LEMD1: variants seen among roughly 807,000 people sequenced by gnomAD.
LEMD1 encodes LEM domain-containing protein 1.
A neutral mutation model predicts 17.4 loss-of-function variants in LEMD1; 18 were observed. The ratio of observed to expected loss-of-function variants is 1.04; its 90% CI spans 0.72 to 1.54. The LOEUF is 1.54. LEMD1 is among the 40% of genes most tolerant of loss of function. The pLI, the probability that LEMD1 is intolerant of heterozygous loss-of-function variation, is 0.00. For synonymous variants in LEMD1, 88 were observed against 77.8 expected, an observed-to-expected ratio of 1.13 and a Z score of -0.69; for missense variants, 195 against 210.4, an observed-to-expected ratio of 0.93 and a Z score of 0.45.
chr1:205,405,753 G>C lies in LEMD1; in HGVS notation c.270+10479C>G, dbSNP rs772161409. Among the ~76,000 whole-genome samples the C allele has an allele frequency of 2.3e-4, 35 of 151,284 alleles. 1 individual carries two copies. Among genetic ancestry groups the C allele is most frequent in the Admixed American group, 9.2e-4 (14 of 15,176 alleles). The stretch of plus-strand genomic sequence containing the variant: ...TGTTCCGTTGTTGGTGAGGAACTGC[G>C]TTCCTTTGGAGGAGGAGAGGCGCTC... On this transcript the variant is annotated intron_variant, in intron 4 of 5. Transcript: ENST00000367153.
At chr1:205,387,728 G>A (rs907232655) in intron 4 of LEMD1, among the ~76,000 whole-genome samples, 2 of 152,102 alleles carry the variant, frequency 1.3e-5, no homozygotes, top group African/African-American at 4.8e-5. Context: ...CACCCTCTTT[G>A]CTATACCTCG....
At position 205,381,479 on chromosome 1, in the gene LEMD1, G is replaced by C; in HGVS notation, c.*179C>G. The C allele has an allele frequency of 1.6e-6, 1 of 631,856 alleles. No individual in the cohort carries two copies. Among genetic ancestry groups the C allele is most frequent in the South Asian group, 1.9e-5 (1 of 53,390 alleles). 39.1% of individuals were successfully genotyped at this position (631,856 alleles called of 1,614,324 possible). ...ATCATGCTCTTAACACAGGTGCCTG[G>C]TTAGGCAGGTTCCTTCCACCTGGCT... On this transcript the variant is annotated 3_prime_UTR_variant, in exon 6 of 6. Coordinates refer to ENST00000367153, the MANE Select transcript of LEMD1 (RefSeq NM_001199050.2).
At chr1:205,429,407 C>T (rs1431760973) in intron 1 of LEMD1, among the ~76,000 whole-genome samples, 1 of 152,140 alleles carries the variant, frequency 6.6e-6, no homozygotes, top group African/African-American at 2.4e-5. Flanking sequence ...TGTGGCTTGG[C>T]TCATTTCAAT....
chr1:205,381,646 C>T lies in LEMD1; in HGVS notation c.*12G>A, dbSNP rs1429916511. ...AGGCCTCGCTTGGAGCATTGCTTTG[C>T]TCCTAAATTACTTAACCAAACAGCG... On this transcript the variant is annotated 3_prime_UTR_variant, in exon 6 of 6. Coordinates refer to ENST00000367153, the MANE Select transcript of LEMD1 (RefSeq NM_001199050.2). The T allele has an allele frequency of 1.2e-6, 2 of 1,613,732 alleles. No homozygotes were observed. Among genetic ancestry groups the T allele is most frequent in the East Asian group, 2.2e-5 (1 of 44,900 alleles).
chr1:205,431,691 G>A (rs1422017021), intron 1 of LEMD1, among the ~76,000 whole-genome samples: 1 of 152,104 alleles, frequency 6.6e-6, no homozygotes, highest in Non-Finnish European at 1.5e-5. Flanking sequence ...GCAAAGCCAG[G>A]AGAACAACAC....
intron 4 of LEMD1, among the ~76,000 whole-genome samples, chr1:205,395,606 AAAG>A (rs1477626361): frequency 6.6e-6 from 1 of 151,908 alleles, no homozygotes; most frequent in African/African-American, 2.4e-5. Flanking sequence ...AAAAAAAAAA[AAAG>A]AAAAAAAAGA....
At chr1:205,391,019 T>C (rs1466710816) in intron 4 of LEMD1, among the ~76,000 whole-genome samples, 7 of 143,746 alleles carry the variant, frequency 4.9e-5, no homozygotes, top group Non-Finnish European at 1.5e-5. Flanking sequence ...ACAATATACC[T>C]GTGTAATACC....
intron 4 of LEMD1, among the ~76,000 whole-genome samples, chr1:205,402,842 A>C (rs1664914091): frequency 6.6e-6 from 1 of 151,802 alleles, no homozygotes; most frequent in South Asian, 2.1e-4. Context: ...TGGGTTTGTC[A>C]TAGATAGCTC....
At chr1:205,429,416 A>G (rs1214567526) in intron 1 of LEMD1, among the ~76,000 whole-genome samples, 1 of 152,182 alleles carries the variant, frequency 6.6e-6, no homozygotes, top group South Asian at 2.1e-4. Context: ...GCTCATTTCA[A>G]TGCCGCATTG....
At chr1:205,409,712 T>C (rs1186274949) in intron 4 of LEMD1, among the ~76,000 whole-genome samples, 1 of 151,892 alleles carries the variant, frequency 6.6e-6, no homozygotes, top group Non-Finnish European at 1.5e-5. Context: ...GCAATCCTCC[T>C]GCCTCAGCCT....
At chr1:205,414,864 G>A (rs1280682199) in intron 4 of LEMD1, among the ~76,000 whole-genome samples, 1 of 152,078 alleles carries the variant, frequency 6.6e-6, no homozygotes, top group East Asian at 1.9e-4. Flanking sequence ...CTCCAGCCTG[G>A]GTAACAGAAT....
upstream of LEMD1, among the ~76,000 whole-genome samples, chr1:205,425,117 T>C (rs188813847): frequency 6.6e-6 from 1 of 152,338 alleles, no homozygotes; most frequent in East Asian, 1.9e-4. Context: ...TGAGCCTGCT[T>C]ACATAAGGAA....
At chr1:205,446,780 C>T (rs1175021446) in intron 1 of LEMD1, among the ~76,000 whole-genome samples, 3 of 152,162 alleles carry the variant, frequency 2.0e-5, no homozygotes, top group African/African-American at 7.2e-5. Context: ...TGAGAGAACC[C>T]AGAGGGCAAG....
intron 4 of LEMD1, among the ~76,000 whole-genome samples, chr1:205,402,189 C>CT (rs1264826740): frequency 6.6e-6 from 1 of 152,088 alleles, no homozygotes; most frequent in Non-Finnish European, 1.5e-5. Flanking sequence ...GATGCAGGCT[C>CT]TTTTTTGGTT....
chr1:205,444,220 G>A (rs2102469736), intron 1 of LEMD1, among the ~76,000 whole-genome samples: 1 of 152,192 alleles, frequency 6.6e-6, no homozygotes, highest in African/African-American at 2.4e-5. Flanking sequence ...ATAGGATGGA[G>A]AGGCAGGGTG....
At chr1:205,428,281 C>T (rs1375540010) in intron 1 of LEMD1, among the ~76,000 whole-genome samples, 1 of 152,120 alleles carries the variant, frequency 6.6e-6, no homozygotes, top group African/African-American at 2.4e-5. Flanking sequence ...AAGCTTGGAG[C>T]AGGGGAGTGA....
intron 4 of LEMD1, among the ~76,000 whole-genome samples, chr1:205,411,019 GGAAGGAAGGAAGGGAAA>G (rs1320819011): frequency 1.4e-5 from 2 of 145,910 alleles, no homozygotes; most frequent in Admixed American, 7.0e-5. Context: ...GAGGGAGAGA[GGAAGGAAGGAAGGGAAA>G]GAAGGAAGGA....
intron 4 of LEMD1, among the ~76,000 whole-genome samples, chr1:205,407,033 A>C (rs1265812534): frequency 6.6e-6 from 1 of 152,192 alleles, no homozygotes; most frequent in African/African-American, 2.4e-5. Flanking sequence ...CCATGTGATA[A>C]GAAGATTTGA....
At position 205,389,117 on chromosome 1, in the gene LEMD1, C is replaced by T. The variant is rs191812081; in HGVS notation, c.271-4753G>A. 8.2e-3 allele frequency among the ~76,000 whole-genome samples: 1,106 copies of T among 134,996 alleles called. 10 individuals carry two copies. Among genetic ancestry groups the T allele is most frequent in the Non-Finnish European group, 0.013 (878 of 65,142 alleles). 88.6% of individuals were successfully genotyped at this position (134,996 alleles called of 152,430 possible). A position where few individuals can be genotyped will look rare whatever the true frequency, so the allele number is the denominator to read the frequency against. ...AGGCTGGAGTGCAGTGCCACAATCT[C>T]GGCTCACTGCAACCTCCGCTTCCCG... On this transcript the variant is annotated intron_variant, in intron 4 of 5. Transcript: ENST00000367153.
Sources: allele counts gnomAD v4.1 joint callset (sites outside exome capture counted in the v4.1 genomes callset), GRCh38; gene constraint gnomAD v4.1.1; transcripts MANE v1.5; gene names NCBI Gene and HGNC (gene_info 2026-07-23, HGNC 2026-07-21).